Variants in DNAJB5 observed in about 807,000 individuals in gnomAD.
DNAJB5 encodes DnaJ heat shock protein family (Hsp40) member B5, also known as dnaJ homolog subfamily B member 5.
DNAJB5 carries 12 observed loss-of-function variants against 32.6 expected under a neutral mutation model. The observed-to-expected ratio is 0.37, with a 90% CI of 0.24 to 0.60. The LOEUF (loss-of-function observed/expected upper bound fraction) is 0.60. Ranked by LOEUF, DNAJB5 falls within the 20% of genes least tolerant of loss-of-function variation. The pLI is 0.71. For synonymous variants in DNAJB5, 188 were observed against 212.9 expected (o/e 0.88, Z 1.02); for missense variants, 358 against 554.2 (o/e 0.65, Z 3.55).
In DNAJB5 at chr9:34,992,872, C is replaced by T; in HGVS notation, c.183-328C>T. 2.6e-6 allele frequency: 3 copies of T among 1,176,220 alleles called. No homozygotes were observed. The South Asian group carries it at 6.4e-5, about 25-fold the overall frequency. The allele number at this position is 1,176,220 out of a possible 1,614,324, so 72.9% of individuals were successfully genotyped here. A position where few individuals can be genotyped will look rare whatever the true frequency, so the allele number is the denominator to read the frequency against. ...GTGTGGGTCGCTCAGTCCATGGTGCCACCTCGCTCAGCAGGGCCTCTCAGG... is the reference window on the plus strand; with the variant it reads ...GTGTGGGTCGCTCAGTCCATGGTGCTACCTCGCTCAGCAGGGCCTCTCAGG... On this transcript the variant is annotated intron_variant, in intron 2 of 4. Transcript: ENST00000682809.
At chr9:34,992,432 T>G (rs1342395936) in intron 2 of DNAJB5, 1 of 152,230 alleles carries the variant, frequency 6.6e-6, no homozygotes, top group Non-Finnish European at 1.5e-5. Context: ...CACTGGTGCT[T>G]AGGCGGCACA....
Position 34,996,903 on chromosome 9 carries a change from G to A in DNAJB5, c.1029+37G>A. The stretch of plus-strand genomic sequence containing the variant: ...TCAGGCTGTGTGTGTGTGCTGGGGA[G>A]ATGGTGGGGACATTCCCTCTCTTCC... On this transcript the variant is annotated intron_variant, in intron 4 of 4. Coordinates refer to ENST00000682809, the MANE Select transcript of DNAJB5 (RefSeq NM_001349723.3). The surrounding 1 kb of genome is among the most constrained non-coding windows in gnomAD (Gnocchi z 7.2). 6.3e-7 allele frequency: 1 copy of A among 1,588,316 alleles called. No individual in the cohort carries two copies. The highest frequency in any genetic ancestry group is 1.1e-5 in the South Asian group (1 of 87,458).
In DNAJB5 at chr9:34,998,184, C is replaced by T. The variant is rs1479650433; in HGVS notation, c.*925C>T. 2 of 152,546 alleles carry T rather than the reference C, an allele frequency of 1.3e-5. No homozygotes were observed. The highest frequency in any genetic ancestry group is 2.4e-5 in the African/African-American group (1 of 41,376). The allele number at this position is 152,546 out of a possible 1,614,324, so 9.4% of individuals were successfully genotyped here. ...CACTTTTGTGATATGTGAAGCTACT[C>T]ATTTCTTACCCTTGGAGGCTGTGTG... On this transcript the variant is annotated 3_prime_UTR_variant, in exon 5 of 5. Coordinates refer to ENST00000682809, the MANE Select transcript of DNAJB5 (RefSeq NM_001349723.3).
chr9:34,997,333 T>A lies in DNAJB5; in HGVS notation c.*74T>A, dbSNP rs1827828897. 1 of 1,480,898 alleles carries A rather than the reference T, an allele frequency of 6.8e-7. No individual in the cohort carries two copies. The highest frequency in any genetic ancestry group is 1.7e-5 in the Admixed American group (1 of 59,588). The allele number at this position is 1,480,898 out of a possible 1,614,324, so 91.7% of individuals were successfully genotyped here. A position where few individuals can be genotyped will look rare whatever the true frequency, so the allele number is the denominator to read the frequency against. On this transcript the variant is annotated 3_prime_UTR_variant, in exon 5 of 5. Transcript: ENST00000682809. The surrounding 1 kb of genome is among the most constrained non-coding windows in gnomAD (Gnocchi z 4.1). ...TCACTCCACTCAATGTGCACCCAGCTTGATGTCCACTGGACACTGGCAACT... is the reference window on the plus strand; with the variant it reads ...TCACTCCACTCAATGTGCACCCAGCATGATGTCCACTGGACACTGGCAACT...
chr9:34,992,863 C>A (rs1827692216), intron 2 of DNAJB5: 1 of 1,158,218 alleles, frequency 8.6e-7, no homozygotes, highest in South Asian at 2.2e-5. Context: ...GTCGCTCAGT[C>A]CATGGTGCCA....
Position 34,996,535 on chromosome 9 carries a change from AC to A in DNAJB5, c.701del (p.Pro234LeufsTer29). On this transcript the variant is annotated frameshift_variant, in exon 4 of 5. Coordinates refer to ENST00000682809, the MANE Select transcript of DNAJB5 (RefSeq NM_001349723.3). LOFTEE classifies it high-confidence loss of function. This position sits in a 1 kb window ranked among gnomAD's most constrained non-coding sequence, Gnocchi z 7.2. ...CCAAGGCGAGCCCCAGAACCACTGT[AC>A]CCTCGGCGCAAGGTGCAGGACCCCC... ...RGPRRAPEPL[Y>X]PRRKVQDPPV... is the part of the protein sequence containing the mutation. The A allele has an allele frequency of 6.2e-7, 1 of 1,614,060 alleles. No homozygotes were observed. Among genetic ancestry groups the A allele is most frequent in the Non-Finnish European group, 8.5e-7 (1 of 1,180,012 alleles).
At chr9:34,991,682 C>A (rs1011676955) in intron 2 of DNAJB5, 17 of 274,038 alleles carry the variant, frequency 6.2e-5, no homozygotes, top group African/African-American at 2.9e-4. Flanking sequence ...CCCCCCCCAA[C>A]GAGGTGCTCT....
In DNAJB5 at chr9:34,996,578, G is replaced by A. The variant is rs1827803423; in HGVS notation, c.741G>A (p.Leu247=). ...AGGACCCCCCAGTGGTGCACGAGCT[G>A]CGGGTGTCCCTGGAGGAGATCTACC... ...KVQDPPVVHE[L]RVSLEEIYHG... Residue 247 remains leucine, a synonymous_variant, in exon 4 of 5, where the codon CTG becomes CTA. Transcript: ENST00000682809. This position sits in a 1 kb window ranked among gnomAD's most constrained non-coding sequence, Gnocchi z 7.2. 1 of 1,613,966 alleles carries A rather than the reference G, an allele frequency of 6.2e-7. No homozygotes were observed. Among genetic ancestry groups the A allele is most frequent in the Admixed American group, 1.7e-5 (1 of 59,996 alleles).
chr9:34,990,814 T>C lies in DNAJB5; in HGVS notation c.182+2T>C. The C allele has an allele frequency of 2.6e-6, 4 of 1,549,350 alleles. No homozygotes were observed. Among genetic ancestry groups the C allele is most frequent in the Non-Finnish European group, 3.5e-6 (4 of 1,145,956 alleles). On this transcript the variant is annotated splice_donor_variant, in intron 2 of 4. Coordinates refer to ENST00000682809, the MANE Select transcript of DNAJB5 (RefSeq NM_001349723.3). LOFTEE classifies it high-confidence loss of function. The surrounding 1 kb of genome is among the most constrained non-coding windows in gnomAD (Gnocchi z 4.5). ...GCTGAATGGGTTTGTAAAGTTTCGG[T>C]AAGTCCCTCCGGAGAAGGGCACTCA...
At chr9:34,991,127 AG>A in intron 2 of DNAJB5, 1 of 439,636 alleles carries the variant, frequency 2.3e-6, no homozygotes, top group Admixed American at 3.4e-5. Context: ...CCCCTCCATC[AG>A]TACCTCATTT....
Position 34,989,789 on chromosome 9 carries a change from C to T in DNAJB5, c.-175C>T, listed in dbSNP as rs1335470335. Reference sequence around the variant, plus strand: ...GAGCCGGAGCCGGGGGAGGGGGCAGCGGCTGTCTCACGGACCACGGCGGCG... The same window carrying T: ...GAGCCGGAGCCGGGGGAGGGGGCAGTGGCTGTCTCACGGACCACGGCGGCG... On this transcript the variant is annotated 5_prime_UTR_variant, in exon 1 of 5. Transcript: ENST00000682809. 1.9e-5 allele frequency: 24 copies of T among 1,231,394 alleles called. No homozygotes were observed. The highest frequency in any genetic ancestry group is 2.2e-5 in the Non-Finnish European group (22 of 987,728). The allele number at this position is 1,231,394 out of a possible 1,614,324, so 76.3% of individuals were successfully genotyped here.
rs1587501247 is a variant in DNAJB5, at chr9:34,996,199, A to AG, written c.428-61dup. The AG allele has an allele frequency of 1.9e-6, 3 of 1,548,452 alleles. No homozygotes were observed. In the East Asian group the frequency reaches 6.8e-5, roughly 35 times the overall value. ...GCCTGTGAACTGGGAGCTAGAGGGC[A>AG]GGGGGAAGACACTGGGATTGGGGCC... is the stretch of plus-strand genomic sequence containing the variant. On this transcript the variant is annotated intron_variant, in intron 3 of 4. Coordinates refer to ENST00000682809, the MANE Select transcript of DNAJB5 (RefSeq NM_001349723.3). This position sits in a 1 kb window ranked among gnomAD's most constrained non-coding sequence, Gnocchi z 7.2.
chr9:34,990,960 T>C lies in DNAJB5; in HGVS notation c.182+148T>C, dbSNP rs1827612450. ...CCCCCCTCCGGCCTCACCCACATAT[T>C]TGAATGAATTGCACCCCTTATCATT... On this transcript the variant is annotated intron_variant, in intron 2 of 4. Coordinates refer to ENST00000682809, the MANE Select transcript of DNAJB5 (RefSeq NM_001349723.3). This position sits in a 1 kb window ranked among gnomAD's most constrained non-coding sequence, Gnocchi z 4.5. 1.3e-6 allele frequency: 1 copy of C among 741,642 alleles called. No homozygotes were observed. The highest frequency in any genetic ancestry group is 2.1e-6 in the Non-Finnish European group (1 of 465,330). 45.9% of individuals were successfully genotyped at this position (741,642 alleles called of 1,614,324 possible).
In DNAJB5 at chr9:34,990,487, T is replaced by G; in HGVS notation, c.-132-12T>G. The G allele has an allele frequency of 6.5e-7, 1 of 1,536,318 alleles. No homozygotes were observed. The highest frequency in any genetic ancestry group is 8.7e-7 in the Non-Finnish European group (1 of 1,146,066). ...GGGTCTTCTCCCTTCACTCTCCACA[T>G]TTGGGGATCAGGTCCGGCACCTGCT... is the stretch of plus-strand genomic sequence containing the variant. On this transcript the variant is annotated splice_polypyrimidine_tract_variant and intron_variant, in intron 1 of 4. Transcript: ENST00000682809. The surrounding 1 kb of genome is among the most constrained non-coding windows in gnomAD (Gnocchi z 4.5).
chr9:34,992,182 T>G (rs886387609), intron 2 of DNAJB5: 1 of 152,322 alleles, frequency 6.6e-6, no homozygotes, highest in Non-Finnish European at 1.5e-5. Context: ...AGAGGGAGAC[T>G]GGAATGGAAG....
intron 2 of DNAJB5, chr9:34,991,174 A>G (rs1827618205): frequency 2.4e-6 from 1 of 416,328 alleles, no homozygotes; most frequent in Non-Finnish European, 4.7e-6. Context: ...GTACCTCAAC[A>G]GTCCCCCTCG....
chr9:34,989,751 G>T lies in DNAJB5; in HGVS notation c.-213G>T. The T allele has an allele frequency of 4.9e-6, 6 of 1,231,486 alleles. No individual in the cohort carries two copies. Among genetic ancestry groups the T allele is most frequent in the Non-Finnish European group, 6.1e-6 (6 of 987,692 alleles). The allele number at this position is 1,231,486 out of a possible 1,614,324, so 76.3% of individuals were successfully genotyped here. On this transcript the variant is annotated 5_prime_UTR_variant, in exon 1 of 5. Coordinates refer to ENST00000682809, the MANE Select transcript of DNAJB5 (RefSeq NM_001349723.3). Reference sequence around the variant, plus strand: ...CGGCGGGCAGGCGACTCCTGTCCCGGGTGGAGGCGGCGGAGCCGGAGCCGG... The same window carrying T: ...CGGCGGGCAGGCGACTCCTGTCCCGTGTGGAGGCGGCGGAGCCGGAGCCGG...
chr9:34,993,193 C>G lies in DNAJB5; in HGVS notation c.183-7C>G. ...GGCATCAAGTCTTGGCCCTGGGTTT[C>G]TTTCAGAAACAAGGAGACCAGTGCT... On this transcript the variant is annotated splice_polypyrimidine_tract_variant and splice_region_variant and intron_variant, in intron 2 of 4. Transcript: ENST00000682809. This position sits in a 1 kb window ranked among gnomAD's most constrained non-coding sequence, Gnocchi z 4.7. 6.2e-7 allele frequency: 1 copy of G among 1,606,678 alleles called. No individual in the cohort carries two copies. The highest frequency in any genetic ancestry group is 8.5e-7 in the Non-Finnish European group (1 of 1,177,296).
intron 3 of DNAJB5, among the ~76,000 whole-genome samples, chr9:34,995,044 C>T (rs1291281430): frequency 1.3e-5 from 2 of 152,096 alleles, no homozygotes; most frequent in Non-Finnish European, 2.9e-5. Flanking sequence ...CTGAGCTCTG[C>T]CAGGCTGCTT....
Sources: gnomAD v4.1 joint callset for allele counts (sites outside exome capture counted in the v4.1 genomes callset) on GRCh38, gnomAD v4.1.1 for gene constraint, Gnocchi (gnomAD v3.1) non-coding constraint, MANE v1.5 for transcripts, NCBI Gene and HGNC (gene_info 2026-07-23, HGNC 2026-07-21) for gene names.